Variants in PLAAT5 observed in about 807,000 individuals in gnomAD.
PLAAT5 encodes phospholipase A and acyltransferase 5.
PLAAT5 carries 27 observed loss-of-function variants against 27.8 expected under a neutral mutation model. That is an observed-to-expected ratio of 0.97 (90% confidence interval 0.72 to 1.34). PLAAT5 has a LOEUF of 1.34. PLAAT5 is among the 40% of genes most tolerant of loss of function. The pLI is 0.00. For missense variants in PLAAT5, 368 were observed against 343.8 expected (o/e 1.07, Z -0.56); for synonymous variants, 125 against 136.1 (o/e 0.92, Z 0.57).
intron 3 of PLAAT5, among the ~76,000 whole-genome samples, chr11:63,481,832 C>T (rs1167875726): frequency 2.0e-5 from 3 of 152,116 alleles, no homozygotes; most frequent in Non-Finnish European, 2.9e-5. Context: ...CGCATGTTCT[C>T]ACTCATAGGT....
chr11:63,465,891 T>C (rs4360702), intron 5 of PLAAT5, among the ~76,000 whole-genome samples: 41,634 of 152,104 alleles, frequency 0.27, 9,666 homozygotes, highest in African/African-American at 0.63. Flanking sequence ...GGGGCTCCAA[T>C]CGCTGGTCTT....
intron 3 of PLAAT5, among the ~76,000 whole-genome samples, chr11:63,480,311 A>C (rs2016254294): frequency 6.6e-6 from 1 of 152,242 alleles, no homozygotes; most frequent in Non-Finnish European, 1.5e-5. Context: ...AAGCCAGAAG[A>C]AAGCTCAGAA....
At position 63,486,752 on chromosome 11, in the gene PLAAT5, AC is replaced by A. The variant is rs556179990; in HGVS notation, c.345+2118del. ...TGGATGCACTAAAATCTCAGAAATC[AC>A]CACGAAGGAACTTTTGCATGCAACC... On this transcript the variant is annotated intron_variant, in intron 3 of 5. Transcript: ENST00000540857. Among the ~76,000 whole-genome samples the A allele has an allele frequency of 4.1e-3, 627 of 152,298 alleles. 4 individuals are homozygous for A. Among genetic ancestry groups the A allele is most frequent in the African/African-American group, 0.014 (564 of 41,566 alleles).
chr11:63,487,903 T>C (rs939884808), intron 3 of PLAAT5, among the ~76,000 whole-genome samples: 16 of 152,340 alleles, frequency 1.1e-4, no homozygotes, highest in African/African-American at 3.8e-4. Flanking sequence ...CCCAACACTT[T>C]GGGAAGCCGA....
intron 3 of PLAAT5, chr11:63,470,955 A>G (rs1252303440): frequency 3.9e-5 from 6 of 152,216 alleles, no homozygotes; most frequent in Admixed American, 3.9e-4. Context: ...TACTTGTATT[A>G]CAAACCTTAT....
At chr11:63,483,830 T>A (rs1481129655) in intron 3 of PLAAT5, among the ~76,000 whole-genome samples, 3 of 116,026 alleles carry the variant, frequency 2.6e-5, no homozygotes, top group Non-Finnish European at 3.6e-5. Flanking sequence ...TATATATATA[T>A]ATATATATAT....
chr11:63,479,560 T>C (rs2016234871), intron 3 of PLAAT5, among the ~76,000 whole-genome samples: 1 of 152,238 alleles, frequency 6.6e-6, no homozygotes, highest in Non-Finnish European at 1.5e-5. Context: ...TCTAATTATT[T>C]TTTCCTTTCA....
chr11:63,468,849 T>C (rs1190594598), intron 3 of PLAAT5, among the ~76,000 whole-genome samples: 1 of 152,176 alleles, frequency 6.6e-6, no homozygotes, highest in Non-Finnish European at 1.5e-5. Context: ...AAAGGGGTTC[T>C]CCTGCAGTTT....
intron 3 of PLAAT5, among the ~76,000 whole-genome samples, chr11:63,471,496 T>C (rs79807210): frequency 9.6e-4 from 147 of 152,364 alleles, no homozygotes; most frequent in African/African-American, 3.4e-3. Flanking sequence ...AGATCTATGA[T>C]AGATTCTTTT....
chr11:63,465,501 A>G (rs999635124), intron 5 of PLAAT5, among the ~76,000 whole-genome samples: 16 of 151,262 alleles, frequency 1.1e-4, no homozygotes, highest in African/African-American at 3.4e-4. Context: ...TAAGGAAGAA[A>G]TGGTCTTTGG....
At chr11:63,477,682 C>A (rs1481263477) in intron 3 of PLAAT5, among the ~76,000 whole-genome samples, 1 of 152,036 alleles carries the variant, frequency 6.6e-6, no homozygotes, top group Non-Finnish European at 1.5e-5. Flanking sequence ...ACCATGTTGG[C>A]GAGGCTGGTC....
intron 4 of PLAAT5, 69 bp from the exon 5 acceptor site, chr11:63,466,441 C>G: frequency 6.8e-7 from 1 of 1,478,616 alleles, no homozygotes; most frequent in Non-Finnish European, 9.2e-7. Flanking sequence ...GTCTAAGACT[C>G]TGAGTAAGCT....
At chr11:63,474,974 T>C (rs571742225) in intron 3 of PLAAT5, among the ~76,000 whole-genome samples, 6 of 152,252 alleles carry the variant, frequency 3.9e-5, no homozygotes, top group African/African-American at 1.4e-4. Context: ...AAAATATCAC[T>C]TGGCTATTAA....
chr11:63,468,614 T>C (rs988753129), intron 3 of PLAAT5, 149 bp from the exon 4 acceptor site: 3 of 623,578 alleles, frequency 4.8e-6, no homozygotes, highest in Non-Finnish European at 8.4e-6. Context: ...CTCTTCACAC[T>C]GAGGACCAAA....
chr11:63,482,003 A>G (rs1057261175), intron 3 of PLAAT5, among the ~76,000 whole-genome samples: 1 of 152,226 alleles, frequency 6.6e-6, no homozygotes, highest in Non-Finnish European at 1.5e-5. Context: ...ACATGTATAC[A>G]TATGTAACAA....
intron 3 of PLAAT5, among the ~76,000 whole-genome samples, chr11:63,485,938 A>G: frequency 6.6e-6 from 1 of 152,146 alleles, no homozygotes. Context: ...AGCAAGGAAA[A>G]AAACAATCCC....
rs1196120542 is a variant in PLAAT5 at position 63,490,830 on chromosome 11, C to A, written c.148+57G>T. On this transcript the variant is annotated intron_variant, in intron 1 of 5. Coordinates refer to ENST00000540857, the MANE Select transcript of PLAAT5 (RefSeq NM_001146729.2). ...AAAAGGAGCTTTGAGGGTAACCGCC[C>A]GCTGGGACCTGAAGGACAATTGCGG... 2.7e-6 allele frequency: 4 copies of A among 1,499,688 alleles called. No individual in the cohort carries two copies. The African/African-American group carries it at 4.2e-5, about 16-fold the overall frequency. The allele number at this position is 1,499,688 out of a possible 1,614,324, so 92.9% of individuals were successfully genotyped here.
intron 3 of PLAAT5, among the ~76,000 whole-genome samples, chr11:63,479,068 T>C (rs2016222087): frequency 6.6e-6 from 1 of 152,194 alleles, no homozygotes. Flanking sequence ...GGACTTCATT[T>C]TCTTTTGCCA....
chr11:63,482,165 G>C (rs1380800387), intron 3 of PLAAT5, among the ~76,000 whole-genome samples: 1 of 152,210 alleles, frequency 6.6e-6, no homozygotes, highest in Admixed American at 6.5e-5. Flanking sequence ...TGAGGAAGAA[G>C]AGGAATCTAA....
Sources: gnomAD v4.1 joint callset for allele counts (sites outside exome capture counted in the v4.1 genomes callset) on GRCh38, gnomAD v4.1.1 for gene constraint, MANE v1.5 for transcripts, NCBI Gene and HGNC (gene_info 2026-07-23, HGNC 2026-07-21) for gene names.